Variants in TSFM observed in about 807,000 individuals in gnomAD.
TSFM encodes the protein Ts translation elongation factor, mitochondrial.
Under a neutral mutation model 33.4 loss-of-function variants are expected in TSFM, and 29 were observed. The observed-to-expected ratio is 0.87, with a 90% CI of 0.65 to 1.18. The LOEUF is 1.18. TSFM is among the 50% of genes most tolerant of loss of function. The pLI is 0.00. For synonymous variants in TSFM, 178 were observed against 163.5 expected (o/e 1.09, Z -0.68); for missense variants, 394 against 395.6 (o/e 1.00, Z 0.04).
intron 5 of TSFM, among the ~76,000 whole-genome samples, chr12:57,794,847 C>T (rs1055097902): frequency 6.6e-5 from 10 of 150,596 alleles, no homozygotes; most frequent in African/African-American, 2.2e-4. Context: ...GCAAGCTCTG[C>T]CTCCCGGGCT....
In TSFM at chr12:57,783,021, G is replaced by A. The variant is rs1955533612; in HGVS notation, c.58-89G>A. The A allele has an allele frequency of 1.3e-5, 20 of 1,515,832 alleles. No homozygotes were observed. In the South Asian group the frequency reaches 2.2e-4, roughly 17 times the overall value. 93.9% of individuals were successfully genotyped at this position (1,515,832 alleles called of 1,614,324 possible). On this transcript the variant is annotated intron_variant, in intron 1 of 5. Coordinates refer to ENST00000652027, the MANE Select transcript of TSFM (RefSeq NM_005726.6). ...GTGCACCCCCCTTTGCACACTGTCC[G>A]CTCCCTAAGGTCGCTTCCCTGCCCG...
Position 57,797,456 on chromosome 12 carries a change from A to G in TSFM, c.*873A>G, listed in dbSNP as rs1955758937. On this transcript the variant is annotated 3_prime_UTR_variant, in exon 6 of 6. Transcript: ENST00000652027. ...AGATCTGGGTATTTGGATTTTGCCT[A>G]TGGAGTGCATATATGATTTCAATGA... The G allele has an allele frequency of 5.1e-6, 5 of 985,376 alleles. No homozygotes were observed. The highest frequency in any genetic ancestry group is 4.7e-5 in the South Asian group (1 of 21,290). 61.0% of individuals were successfully genotyped at this position (985,376 alleles called of 1,614,324 possible). A position where few individuals can be genotyped will look rare whatever the true frequency, so the allele number is the denominator to read the frequency against.
rs1595149220 is a variant in TSFM at position 57,796,728 on chromosome 12, T to C, written c.*145T>C. 1.0e-5 allele frequency: 13 copies of C among 1,238,800 alleles called. No individual in the cohort carries two copies. The East Asian group carries it at 4.0e-4, about 39-fold the overall frequency. 76.7% of individuals were successfully genotyped at this position (1,238,800 alleles called of 1,614,324 possible). A position where few individuals can be genotyped will look rare whatever the true frequency, so the allele number is the denominator to read the frequency against. ...TGTATAATAAAAATAATTTTTTCCTTGTTTGCGTAATACTGGATTTAGCTT... is the reference window on the plus strand; with the variant it reads ...TGTATAATAAAAATAATTTTTTCCTCGTTTGCGTAATACTGGATTTAGCTT... On this transcript the variant is annotated 3_prime_UTR_variant, in exon 6 of 6. Transcript: ENST00000652027.
chr12:57,786,275 C>A lies in TSFM; in HGVS notation c.344C>A (p.Thr115Lys). 6 of 1,612,138 alleles carry A rather than the reference C, an allele frequency of 3.7e-6. No individual in the cohort carries two copies. The highest frequency in any genetic ancestry group is 4.2e-6 in the Non-Finnish European group (5 of 1,178,940). The change falls in exon 3 of 6, where the codon ACA becomes AAA. Residue 115 changes from threonine (T) to lysine (K), a missense_variant. Physicochemically the swap from Thr to Lys is moderately conservative, Grantham distance 78 (BLOSUM62 -1). This residue lies in a region of TSFM where 208 missense variants were observed against 180.4 expected (regional missense o/e 1.15). Coordinates refer to ENST00000652027, the MANE Select transcript of TSFM (RefSeq NM_005726.6). ...GLIGLLQEGN[T>K]TVLVEVNCET... Reference sequence around the variant, plus strand: ...ATTGGGCTGTTGCAGGAAGGAAACACAACTGTATTAGTAGAGGTGAGTTGT... The same window carrying A: ...ATTGGGCTGTTGCAGGAAGGAAACAAAACTGTATTAGTAGAGGTGAGTTGT...
downstream of TSFM, chr12:57,802,521 G>A (rs1157836026): frequency 2.4e-6 from 2 of 821,492 alleles, no homozygotes; most frequent in Non-Finnish European, 4.0e-6. Context: ...TCAGCTTGAT[G>A]TTTATCATTT....
At chr12:57,790,217 G>A (rs1403087389) in intron 4 of TSFM, among the ~76,000 whole-genome samples, 2 of 151,860 alleles carry the variant, frequency 1.3e-5, no homozygotes, top group African/African-American at 4.8e-5. Context: ...TTACAGGCAC[G>A]TGCCACCATA....
chr12:57,800,928 C>T (rs1164892235), downstream of TSFM, among the ~76,000 whole-genome samples: 2 of 152,152 alleles, frequency 1.3e-5, no homozygotes, highest in African/African-American at 4.8e-5. Flanking sequence ...TGTTTTTACA[C>T]AGCAAGTCTG....
chr12:57,790,419 A>G (rs1053499918), intron 4 of TSFM, among the ~76,000 whole-genome samples: 1 of 152,178 alleles, frequency 6.6e-6, no homozygotes, highest in South Asian at 2.1e-4. Flanking sequence ...CAGACAGTGC[A>G]GGTGTATGTG....
intron 4 of TSFM, among the ~76,000 whole-genome samples, chr12:57,791,710 AT>A (rs1955664976): frequency 6.6e-6 from 1 of 152,212 alleles, no homozygotes. Flanking sequence ...ATGTTTGGGC[AT>A]TTAGGCTGTT....
At chr12:57,797,776 A>AT, downstream of TSFM, 1 of 933,750 alleles carries the variant, frequency 1.1e-6, no homozygotes, top group East Asian at 2.9e-5. Flanking sequence ...TTATATCTAA[A>AT]TTAAGTAGCT....
intron 2 of TSFM, chr12:57,783,748 G>A: frequency 3.5e-6 from 2 of 573,640 alleles, no homozygotes; most frequent in Non-Finnish European, 6.2e-6. Context: ...CGTGCGCCAC[G>A]ACACCCGGCT....
At chr12:57,784,916 C>CTTTTT (rs1164168295) in intron 2 of TSFM, among the ~76,000 whole-genome samples, 9 of 79,144 alleles carry the variant, frequency 1.1e-4, no homozygotes, top group Admixed American at 1.6e-4. Context: ...ATTGAAATAT[C>CTTTTT]TTTTTTTTTT....
At chr12:57,790,072 T>C (rs1303112634) in intron 4 of TSFM, among the ~76,000 whole-genome samples, 2 of 146,856 alleles carry the variant, frequency 1.4e-5, no homozygotes, top group African/African-American at 5.0e-5. Context: ...TTTTTTTTTT[T>C]TTTTTTTTTG....
rs1955747758 is a variant in TSFM at position 57,796,842 on chromosome 12, A to G, written c.*259A>G. On this transcript the variant is annotated 3_prime_UTR_variant, in exon 6 of 6. Transcript: ENST00000652027. ...ATCAACAATACTGCTGCTCCCTTCAACATAGATTTATTATGGTATTTCTGA... is the reference window on the plus strand; with the variant it reads ...ATCAACAATACTGCTGCTCCCTTCAGCATAGATTTATTATGGTATTTCTGA... The G allele has an allele frequency of 8.9e-7, 1 of 1,121,508 alleles. No individual in the cohort carries two copies. The highest frequency in any genetic ancestry group is 4.9e-5 in the Admixed American group (1 of 20,600). The allele number at this position is 1,121,508 out of a possible 1,614,324, so 69.5% of individuals were successfully genotyped here. A position where few individuals can be genotyped will look rare whatever the true frequency, so the allele number is the denominator to read the frequency against.
intron 5 of TSFM, among the ~76,000 whole-genome samples, chr12:57,795,366 C>T (rs1306245083): frequency 1.3e-5 from 2 of 152,012 alleles, no homozygotes; most frequent in South Asian, 2.1e-4. Context: ...TTCCAAAGTG[C>T]TGGGATTACA....
intron 2 of TSFM, chr12:57,784,120 C>A: frequency 1.4e-6 from 1 of 702,590 alleles, no homozygotes. Flanking sequence ...AGGCTACAAA[C>A]CGTTACAAAA....
chr12:57,797,985 G>A, downstream of TSFM: 1 of 1,606,702 alleles, frequency 6.2e-7, no homozygotes, highest in South Asian at 1.1e-5. Context: ...GTCCTGTTCA[G>A]AGAGGTAATT....
rs112956536 is a variant in TSFM at position 57,796,793 on chromosome 12, G to A, written c.*210G>A. ...AAAACAACAGGTGGGCCTTATTGAC[G>A]TGATAGTGTCGTGGAGAACAGGCAT... On this transcript the variant is annotated 3_prime_UTR_variant, in exon 6 of 6. Transcript: ENST00000652027. The A allele has an allele frequency of 1.7e-3, 2,043 of 1,197,664 alleles. 3 individuals carry two copies. The highest frequency in any genetic ancestry group is 2.0e-3 in the Non-Finnish European group (1,890 of 967,652). The allele number at this position is 1,197,664 out of a possible 1,614,324, so 74.2% of individuals were successfully genotyped here.
chr12:57,798,508 T>C (rs950934708), downstream of TSFM, among the ~76,000 whole-genome samples: 1 of 152,200 alleles, frequency 6.6e-6, no homozygotes, highest in Non-Finnish European at 1.5e-5. Context: ...TCAAGAAAAT[T>C]GTAGTCCAGA....
Sources: gnomAD v4.1 joint callset for allele counts (sites outside exome capture counted in the v4.1 genomes callset) on GRCh38, gnomAD v4.1.1 for gene constraint, gnomAD v4.1.1 regional missense constraint, MANE v1.5 for transcripts, NCBI Gene and HGNC (gene_info 2026-07-23, HGNC 2026-07-21) for gene names.